PPP4R1: variants seen among roughly 807,000 people sequenced by gnomAD.
PPP4R1 encodes serine/threonine-protein phosphatase 4 regulatory subunit 1.
In PPP4R1, 42 loss-of-function variants were observed where a neutral mutation model predicts 111.2. That is an observed-to-expected ratio of 0.38 (90% confidence interval 0.29 to 0.49). The LOEUF (loss-of-function observed/expected upper bound fraction) is 0.49. PPP4R1 is among the 20% of genes least tolerant of loss of function. The probability of loss-of-function intolerance (pLI) is 0.97; values close to 1 mark genes in which losing one functional copy is unlikely to be tolerated. For missense variants in PPP4R1, 1,012 were observed against 1,161.6 expected (o/e 0.87, Z 1.87); for synonymous variants, 409 against 405.5 (o/e 1.01, Z -0.10).
At chr18:9,561,245 A>ATAG (rs1306631368) in intron 13 of PPP4R1, among the ~76,000 whole-genome samples, 1 of 149,052 alleles carries the variant, frequency 6.7e-6, no homozygotes, top group Non-Finnish European at 1.5e-5. Context: ...AATAATAATA[A>ATAG]TAATAATAAT....
chr18:9,588,227 T>C lies in PPP4R1; in HGVS notation c.447A>G (p.Lys149=). 1.2e-6 allele frequency: 2 copies of C among 1,613,586 alleles called. No homozygotes were observed. The highest frequency in any genetic ancestry group is 1.7e-6 in the Non-Finnish European group (2 of 1,179,806). ...YLADQNNQVR[K]TSQAALLALL... ...GAGCCAGCAAAGCTGCCTGACTTGT[T>C]TTCCTCACCTAGGAGAAAAATAACA... The change falls in exon 6 of 20, where the codon AAA becomes AAG. Residue 149 remains lysine, a synonymous_variant. Transcript: ENST00000400556.
intron 2 of PPP4R1, among the ~76,000 whole-genome samples, chr18:9,608,366 A>G (rs2067520220): frequency 6.6e-6 from 1 of 152,242 alleles, no homozygotes. Context: ...ACACAAAACT[A>G]TACTGAGGTA....
chr18:9,606,516 G>A (rs1405651249), intron 2 of PPP4R1, among the ~76,000 whole-genome samples: 1 of 152,002 alleles, frequency 6.6e-6, no homozygotes, highest in Non-Finnish European at 1.5e-5. Context: ...CTTTAATTTT[G>A]TACTTTGCAA....
intron 15 of PPP4R1, among the ~76,000 whole-genome samples, chr18:9,555,534 T>G (rs1477752369): frequency 6.6e-6 from 1 of 152,132 alleles, no homozygotes; most frequent in Non-Finnish European, 1.5e-5. Context: ...AATGGAGTTG[T>G]CAGCCTTCTC....
At chr18:9,599,912 G>A (rs1409533237) in intron 2 of PPP4R1, among the ~76,000 whole-genome samples, 1 of 152,038 alleles carries the variant, frequency 6.6e-6, no homozygotes, top group Admixed American at 6.5e-5. Context: ...ACAAGCTTGT[G>A]GCACTTACCT....
At chr18:9,569,101 C>A (rs2066816942) in intron 11 of PPP4R1, among the ~76,000 whole-genome samples, 1 of 148,194 alleles carries the variant, frequency 6.7e-6, no homozygotes, top group African/African-American at 2.5e-5. Context: ...GAAGCTGAGG[C>A]AGGAGAATTG....
chr18:9,580,841 G>C (rs746632648), intron 9 of PPP4R1, among the ~76,000 whole-genome samples: 36 of 152,094 alleles, frequency 2.4e-4, no homozygotes, highest in Admixed American at 7.2e-4. Flanking sequence ...CCCTCCTTTG[G>C]GTGTGGCACA....
Position 9,570,169 on chromosome 18 carries a change from G to A in PPP4R1, c.1561C>T (p.Pro521Ser). Residue 521 changes from proline to serine, a missense_variant, in exon 11 of 20, where the codon CCA becomes TCA. This residue lies in a region of PPP4R1 where 707 missense variants were observed against 742.1 expected (regional missense o/e 0.95). Coordinates refer to ENST00000400556, the MANE Select transcript of PPP4R1 (RefSeq NM_001042388.3). The stretch of plus-strand genomic sequence containing the variant: ...TTGACTTCCATACCTTTAACATCTG[G>A]ATCATCAATGTGGGGCTCTAGATTT... The part of the protein sequence containing the change: ...IENLEPHIDD[P>S]DVKAQVEVLS... The A allele has an allele frequency of 6.6e-7, 1 of 1,511,344 alleles. No homozygotes were observed. The highest frequency in any genetic ancestry group is 8.8e-7 in the Non-Finnish European group (1 of 1,130,276). The allele number at this position is 1,511,344 out of a possible 1,614,324, so 93.6% of individuals were successfully genotyped here. A position where few individuals can be genotyped will look rare whatever the true frequency, so the allele number is the denominator to read the frequency against.
intron 13 of PPP4R1, among the ~76,000 whole-genome samples, chr18:9,561,392 A>ATGGACACTGT (rs1336266477): frequency 1.3e-5 from 2 of 152,120 alleles, no homozygotes; most frequent in Non-Finnish European, 2.9e-5. Context: ...CGGGTGTGGC[A>ATGGACACTGT]TGGACACTGT....
At chr18:9,563,632 C>A (rs906257418) in intron 11 of PPP4R1, 82 bp from the exon 12 acceptor site, 1 of 1,237,236 alleles carries the variant, frequency 8.1e-7, no homozygotes, top group Non-Finnish European at 1.1e-6. Context: ...TTGCACTGTA[C>A]GTTATCAATG....
chr18:9,568,273 C>T (rs907879799), intron 11 of PPP4R1, among the ~76,000 whole-genome samples: 1 of 152,184 alleles, frequency 6.6e-6, no homozygotes, highest in Non-Finnish European at 1.5e-5. Flanking sequence ...TATCCTTCTG[C>T]CTCAGCCTCC....
chr18:9,585,348 G>A (rs1308710361), intron 6 of PPP4R1, among the ~76,000 whole-genome samples: 3 of 152,178 alleles, frequency 2.0e-5, no homozygotes, highest in African/African-American at 4.8e-5. Context: ...TCCTGGTTTT[G>A]CAAAGCTTCA....
intron 10 of PPP4R1, among the ~76,000 whole-genome samples, chr18:9,576,170 T>C (rs1276438500): frequency 2.6e-5 from 4 of 151,844 alleles, no homozygotes; most frequent in African/African-American, 9.7e-5. Context: ...AACTGCCAAA[T>C]CAAAACACCA....
chr18:9,595,162 G>A lies in PPP4R1; in HGVS notation c.53-9C>T. The A allele has an allele frequency of 3.1e-6, 5 of 1,612,950 alleles. No homozygotes were observed. Among genetic ancestry groups the A allele is most frequent in the Non-Finnish European group, 3.4e-6 (4 of 1,179,372 alleles). ...GTAGTCATCCACACCAACTATCAGA[G>A]ACATCAGAAATACTCCTTATAACAC... On this transcript the variant is annotated splice_polypyrimidine_tract_variant and intron_variant, in intron 2 of 19. Coordinates refer to ENST00000400556, the MANE Select transcript of PPP4R1 (RefSeq NM_001042388.3).
intron 2 of PPP4R1, among the ~76,000 whole-genome samples, chr18:9,604,370 CT>C (rs1241773957): frequency 3.3e-5 from 5 of 152,142 alleles, no homozygotes; most frequent in Non-Finnish European, 7.4e-5. Flanking sequence ...CTCCCAATCC[CT>C]ACCATTCCAC....
intron 10 of PPP4R1, among the ~76,000 whole-genome samples, chr18:9,571,300 A>T (rs1344739462): frequency 6.6e-6 from 1 of 152,236 alleles, no homozygotes; most frequent in South Asian, 2.1e-4. Flanking sequence ...TAAAATGAGG[A>T]CATAATTTAA....
rs576610592 is a variant in PPP4R1, at chr18:9,547,185, T to G, written c.*604A>C. The G allele has an allele frequency of 6.5e-6, 1 of 153,204 alleles. No homozygotes were observed. The highest frequency in any genetic ancestry group is 6.5e-5 in the Admixed American group (1 of 15,374). 9.5% of individuals were successfully genotyped at this position (153,204 alleles called of 1,614,324 possible). A position where few individuals can be genotyped will look rare whatever the true frequency, so the allele number is the denominator to read the frequency against. The stretch of plus-strand genomic sequence containing the variant: ...AATGTGTACAGCAATATGCTGCGCT[T>G]AAGAGTTTAAGTCAATCCTACTTGT... On this transcript the variant is annotated 3_prime_UTR_variant, in exon 20 of 20. Coordinates refer to ENST00000400556, the MANE Select transcript of PPP4R1 (RefSeq NM_001042388.3).
Position 9,546,845 on chromosome 18 carries a change from AC to A in PPP4R1, c.*943del, listed in dbSNP as rs1420287862. 2 of 152,248 alleles carry A rather than the reference AC, an allele frequency of 1.3e-5. No individual in the cohort carries two copies. Among genetic ancestry groups the A allele is most frequent in the Non-Finnish European group, 2.9e-5 (2 of 68,048 alleles). The allele number at this position is 152,248 out of a possible 1,614,324, so 9.4% of individuals were successfully genotyped here. On this transcript the variant is annotated 3_prime_UTR_variant, in exon 20 of 20. Transcript: ENST00000400556. ...AGTTTCCCCACTTTAAATCATTAAT[AC>A]AGGTCACAAATTGCATTTATTGGTA...
chr18:9,563,309 C>G, intron 12 of PPP4R1, 69 bp downstream of exon 12: 1 of 1,455,558 alleles, frequency 6.9e-7, no homozygotes, highest in Non-Finnish European at 9.3e-7. Flanking sequence ...TTAGCTACAA[C>G]TATTCCCCAA....
Sources: gnomAD v4.1 joint callset for allele counts (sites outside exome capture counted in the v4.1 genomes callset) on GRCh38, gnomAD v4.1.1 for gene constraint, gnomAD v4.1.1 regional missense constraint, MANE v1.5 for transcripts, NCBI Gene and HGNC (gene_info 2026-07-23, HGNC 2026-07-21) for gene names.